Variants in SEC24A observed in about 807,000 individuals in gnomAD.
The protein encoded by SEC24A is protein transport protein Sec24A.
Under a neutral mutation model 129.4 loss-of-function variants are expected in SEC24A, and 93 were observed. That is an observed-to-expected ratio of 0.72 (90% CI 0.61 to 0.85). SEC24A has a LOEUF of 0.85. SEC24A is among the 40% of genes least tolerant of loss of function. SEC24A has a pLI of 0.00. For synonymous variants in SEC24A, 460 were observed against 467.3 expected, an observed-to-expected ratio of 0.98 and a Z score of 0.20; for missense variants, 1,264 against 1,307.4, an observed-to-expected ratio of 0.97 and a Z score of 0.51.
intron 16 of SEC24A, among the ~76,000 whole-genome samples, chr5:134,705,113 A>AT (rs1356683944): frequency 5.5e-4 from 64 of 117,228 alleles, no homozygotes; most frequent in African/African-American, 1.6e-3. Context: ...TAATTAATTT[A>AT]TTTTTTTTTA....
At chr5:134,707,019 T>C (rs895422674) in intron 17 of SEC24A, among the ~76,000 whole-genome samples, 3 of 152,054 alleles carry the variant, frequency 2.0e-5, no homozygotes, top group Non-Finnish European at 4.4e-5. Context: ...AAAAATTTTT[T>C]TAGAGACAGA....
chr5:134,718,216 T>C (rs775438540), intron 20 of SEC24A, 43 bp downstream of exon 20: 1 of 1,359,874 alleles, frequency 7.4e-7, no homozygotes, highest in Non-Finnish European at 1.1e-6. Context: ...CAAACTACTA[T>C]ACTGTTTTAA....
At chr5:134,700,217 C>T (rs913355653) in intron 15 of SEC24A, among the ~76,000 whole-genome samples, 4 of 151,416 alleles carry the variant, frequency 2.6e-5, no homozygotes, top group African/African-American at 9.7e-5. Context: ...CTTTCTTCTT[C>T]TCTCTCTTTT....
chr5:134,700,122 T>G (rs1279870160), intron 15 of SEC24A, among the ~76,000 whole-genome samples: 1 of 152,128 alleles, frequency 6.6e-6, no homozygotes, highest in African/African-American at 2.4e-5. Context: ...ATAAATATTA[T>G]TGCTCTGTAA....
chr5:134,715,626 G>A (rs1489870435), intron 19 of SEC24A: 2 of 156,646 alleles, frequency 1.3e-5, no homozygotes, highest in Non-Finnish European at 2.8e-5. Context: ...TCATAAGTGG[G>A]AGTTGAACAA....
At chr5:134,724,706 T>C (rs1269693213) in intron 22 of SEC24A, among the ~76,000 whole-genome samples, 5 of 152,190 alleles carry the variant, frequency 3.3e-5, no homozygotes, top group African/African-American at 4.8e-5. Context: ...ATCATGGAAG[T>C]GCAGACATCT....
chr5:134,650,240 T>C (rs776321795), intron 1 of SEC24A, among the ~76,000 whole-genome samples: 1 of 152,218 alleles, frequency 6.6e-6, no homozygotes, highest in Non-Finnish European at 1.5e-5. Context: ...TAACCATTCT[T>C]TCTCAAAATT....
At chr5:134,686,334 A>G (rs1221752920) in intron 9 of SEC24A, among the ~76,000 whole-genome samples, 1 of 151,956 alleles carries the variant, frequency 6.6e-6, no homozygotes, top group South Asian at 2.1e-4. Context: ...TCTCAGGTTC[A>G]AGTGATCCTC....
chr5:134,674,515 C>T (rs1017173674), intron 4 of SEC24A, 100 bp from the exon 5 acceptor site: 4 of 1,063,470 alleles, frequency 3.8e-6, no homozygotes, highest in Non-Finnish European at 5.4e-6. Flanking sequence ...GCAGCCTGGG[C>T]AATAGTGAGA....
intron 12 of SEC24A, chr5:134,693,037 A>G: frequency 6.5e-7 from 1 of 1,535,942 alleles, no homozygotes; most frequent in Non-Finnish European, 8.7e-7. Flanking sequence ...ACAGAGTGTC[A>G]TTGGGGTCAG....
intron 1 of SEC24A, 67 bp downstream of exon 1, chr5:134,649,240 C>A: frequency 8.5e-7 from 1 of 1,172,058 alleles, no homozygotes; most frequent in Non-Finnish European, 1.2e-6. Context: ...GCCACTGCTG[C>A]TTGAGGCGAC....
chr5:134,672,254 C>G (rs1277854973), intron 4 of SEC24A, among the ~76,000 whole-genome samples: 1 of 152,106 alleles, frequency 6.6e-6, no homozygotes. Flanking sequence ...GTGGCAGTAT[C>G]TCGGTTCACT....
At chr5:134,718,411 T>A (rs1191968488) in intron 20 of SEC24A, among the ~76,000 whole-genome samples, 4 of 152,192 alleles carry the variant, frequency 2.6e-5, no homozygotes, top group Non-Finnish European at 2.9e-5. Context: ...TATTTTTTTT[T>A]ATTATTGCTT....
chr5:134,677,799 G>C (rs1216379654), intron 7 of SEC24A, among the ~76,000 whole-genome samples: 5 of 149,032 alleles, frequency 3.4e-5, no homozygotes, highest in Non-Finnish European at 5.9e-5. Context: ...ATCCCACACT[G>C]TACTCCAGTC....
chr5:134,674,832 A>C, intron 5 of SEC24A, 57 bp downstream of exon 5: 2 of 1,479,498 alleles, frequency 1.4e-6, no homozygotes, highest in Non-Finnish European at 1.8e-6. Flanking sequence ...AACTGTATAC[A>C]CATGAAGAAA....
chr5:134,668,426 TAA>T (rs1424096117), intron 3 of SEC24A, among the ~76,000 whole-genome samples: 2 of 151,742 alleles, frequency 1.3e-5, no homozygotes, highest in African/African-American at 4.8e-5. Context: ...CCATCTCTAC[TAA>T]AAATACAGAA....
intron 16 of SEC24A, among the ~76,000 whole-genome samples, chr5:134,705,090 A>ATATATATATATATATATATATTTTT (rs1180461537): frequency 2.4e-5 from 3 of 123,300 alleles, no homozygotes; most frequent in Admixed American, 8.5e-5. Flanking sequence ...ATATATATAT[A>ATATATATATATATATATATATTTTT]TTTTTTTTTT....
In SEC24A at chr5:134,725,033, C is replaced by G; in HGVS notation, c.3221C>G (p.Thr1074Arg). The change falls in exon 23 of 23, where the codon ACA (threonine) becomes AGA (arginine). Residue 1074 changes from threonine to arginine, a missense_variant. Coordinates refer to ENST00000398844, the MANE Select transcript of SEC24A (RefSeq NM_021982.3). ...CTTCAAAACATGATAGAAGACAGAA[C>G]AGAATCTGCATTATCATATTATGAA... ...NFLQNMIEDR[T>R]ESALSYYEFL... 3 of 1,606,976 alleles carry G rather than the reference C, an allele frequency of 1.9e-6. No individual in the cohort carries two copies. The highest frequency in any genetic ancestry group is 2.6e-6 in the Non-Finnish European group (3 of 1,174,418).
At chr5:134,714,969 T>C in intron 18 of SEC24A, 55 bp from the exon 19 acceptor site, 1 of 1,528,296 alleles carries the variant, frequency 6.5e-7, no homozygotes, top group African/African-American at 1.4e-5. Flanking sequence ...TTAAAAGTTC[T>C]GGATGTATTT....
Sources: gnomAD v4.1 joint callset for allele counts (sites outside exome capture counted in the v4.1 genomes callset) on GRCh38, gnomAD v4.1.1 for gene constraint, MANE v1.5 for transcripts, NCBI Gene and HGNC (gene_info 2026-07-23, HGNC 2026-07-21) for gene names.